ZNF695: variants seen among roughly 807,000 people sequenced by gnomAD.
The protein encoded by ZNF695 is zinc finger protein SBZF3.
ZNF695 carries 11 observed loss-of-function variants against 11.2 expected under a neutral mutation model. The observed-to-expected ratio is 0.98, with a 90% confidence interval of 0.62 to 1.62. The LOEUF is 1.62. Ranked by LOEUF, ZNF695 falls within the 40% of genes most tolerant of loss-of-function variation. ZNF695 has a pLI of 0.00. For missense variants in ZNF695, 559 were observed against 590.5 expected (o/e 0.95, Z 0.55); for synonymous variants, 190 against 201.4 (o/e 0.94, Z 0.48).
intron 4 of ZNF695, among the ~76,000 whole-genome samples, chr1:246,971,413 G>C (rs984256058): frequency 1.3e-5 from 2 of 152,300 alleles, no homozygotes; most frequent in South Asian, 2.1e-4. Flanking sequence ...GGGCCTGACT[G>C]ATGTCAGGCC....
intron 5 of ZNF695, among the ~76,000 whole-genome samples, chr1:246,957,859 C>T (rs999129855): frequency 1.3e-5 from 2 of 151,402 alleles, no homozygotes; most frequent in Admixed American, 6.6e-5. Context: ...GTCCCAAACT[C>T]CTGGTCCTAC....
At chr1:246,995,813 C>CAAAAAAAAAAAAA in intron 3 of ZNF695, among the ~76,000 whole-genome samples, 1 of 66,760 alleles carries the variant, frequency 1.5e-5, no homozygotes, top group Non-Finnish European at 3.0e-5. Context: ...GACTCTGTCT[C>CAAAAAAAAAAAAA]AAAAAAAAAA....
At chr1:246,999,629 A>G (rs75211698) in intron 2 of ZNF695, among the ~76,000 whole-genome samples, 189 bp from the exon 3 acceptor site, 2,435 of 152,324 alleles carry the variant, frequency 0.016, 69 homozygotes, top group African/African-American at 0.054. Flanking sequence ...CCTGCTACCA[A>G]GAACTATAAT....
At chr1:246,995,870 G>T (rs541075788) in intron 3 of ZNF695, among the ~76,000 whole-genome samples, 1 of 150,608 alleles carries the variant, frequency 6.6e-6, no homozygotes, top group South Asian at 2.1e-4. Context: ...TTTGGTATTG[G>T]CATAAAGGCA....
chr1:246,999,500 A>G (rs1296437545), intron 2 of ZNF695, 60 bp from the exon 3 acceptor site: 4 of 1,344,244 alleles, frequency 3.0e-6, no homozygotes, highest in Non-Finnish European at 4.2e-6. Flanking sequence ...ACCTTTTACT[A>G]TGCTCAGTAG....
chr1:246,995,452 TAC>T (rs1669173096), intron 3 of ZNF695, among the ~76,000 whole-genome samples: 1 of 152,134 alleles, frequency 6.6e-6, no homozygotes, highest in East Asian at 1.9e-4. Context: ...ACCCTAAAAT[TAC>T]ACAGTGCGTG....
In ZNF695 at chr1:246,986,496, G is replaced by A. The variant is rs1668850902; in HGVS notation, c.*471C>T. On this transcript the variant is annotated 3_prime_UTR_variant, in exon 4 of 4. Coordinates refer to ENST00000339986, the MANE Select transcript of ZNF695 (RefSeq NM_020394.5). Reference sequence around the variant, plus strand: ...TACAGTAATGTCTGAAAGTGTCAGTGACTTAGTGCTTTTTACTATGAATTC... The same window carrying A: ...TACAGTAATGTCTGAAAGTGTCAGTAACTTAGTGCTTTTTACTATGAATTC... The A allele has an allele frequency of 1.0e-6, 1 of 987,612 alleles. No individual in the cohort carries two copies. The highest frequency in any genetic ancestry group is 6.0e-5 in the Admixed American group (1 of 16,614). The allele number at this position is 987,612 out of a possible 1,614,324, so 61.2% of individuals were successfully genotyped here.
intron 1 of ZNF695, among the ~76,000 whole-genome samples, chr1:247,005,963 A>C (rs984755909): frequency 2.0e-5 from 3 of 152,124 alleles, no homozygotes; most frequent in Non-Finnish European, 4.4e-5. Context: ...CGGTGGCTCA[A>C]GCCTGTAATC....
intron 4 of ZNF695, among the ~76,000 whole-genome samples, chr1:246,970,727 C>A (rs1030713838): frequency 3.9e-5 from 6 of 152,182 alleles, no homozygotes; most frequent in Non-Finnish European, 8.8e-5. Context: ...GGAGTAAAGA[C>A]CCTTAGTAGA....
intron 3 of ZNF695, among the ~76,000 whole-genome samples, chr1:246,988,469 C>T (rs1030897679): frequency 2.0e-5 from 3 of 152,040 alleles, no homozygotes; most frequent in African/African-American, 7.2e-5. Context: ...AAAGAAATGA[C>T]GTACAATGAA....
intron 5 of ZNF695, among the ~76,000 whole-genome samples, chr1:246,962,970 C>A (rs1426775756): frequency 4.6e-5 from 7 of 152,196 alleles, no homozygotes; most frequent in Non-Finnish European, 1.0e-4. Context: ...AGCCACCATG[C>A]CCGGCCTTGA....
intron 3 of ZNF695, among the ~76,000 whole-genome samples, chr1:246,996,686 G>A (rs762828861): frequency 6.6e-5 from 10 of 152,144 alleles, no homozygotes; most frequent in Non-Finnish European, 1.3e-4. Context: ...AGTATCTCAT[G>A]TACCCCATAA....
rs1668842840 is a variant in ZNF695, at chr1:246,986,248, T to G, written c.*719A>C. 1.7e-6 allele frequency: 1 copy of G among 580,292 alleles called. No individual in the cohort carries two copies. The highest frequency in any genetic ancestry group is 2.2e-6 in the Non-Finnish European group (1 of 460,060). The allele number at this position is 580,292 out of a possible 1,614,324, so 35.9% of individuals were successfully genotyped here. A position where few individuals can be genotyped will look rare whatever the true frequency, so the allele number is the denominator to read the frequency against. On this transcript the variant is annotated 3_prime_UTR_variant, in exon 4 of 4. Coordinates refer to ENST00000339986, the MANE Select transcript of ZNF695 (RefSeq NM_020394.5). ...CAAGCCTGGCTTTTATTTTACTTTT[T>G]GTAGAGATGAGGTTTTGCCATGTTG...
In ZNF695 at chr1:247,007,920, TG is replaced by T; in HGVS notation, c.-13del. The T allele has an allele frequency of 6.5e-7, 1 of 1,530,136 alleles. No homozygotes were observed. The highest frequency in any genetic ancestry group is 1.2e-5 in the South Asian group (1 of 80,726). The allele number at this position is 1,530,136 out of a possible 1,614,324, so 94.8% of individuals were successfully genotyped here. On this transcript the variant is annotated 5_prime_UTR_variant, in exon 1 of 4. Transcript: ENST00000339986. ...CGCACACTCACCATTTCCCAGCTTTTGGGGGTCCCAGCGTCCTCCCTATAAA... is the reference window on the plus strand; with the variant it reads ...CGCACACTCACCATTTCCCAGCTTTTGGGGTCCCAGCGTCCTCCCTATAAA...
intron 5 of ZNF695, chr1:246,945,932 A>G (rs1473870636): frequency 7.2e-7 from 1 of 1,390,032 alleles, no homozygotes; most frequent in Non-Finnish European, 1.0e-6. Flanking sequence ...ACTTGGTTCC[A>G]TTGGAGAAGT....
intron 5 of ZNF695, among the ~76,000 whole-genome samples, chr1:246,957,080 T>G (rs1211857044): frequency 6.6e-6 from 1 of 152,144 alleles, no homozygotes; most frequent in Non-Finnish European, 1.5e-5. Context: ...TTTCAAGTTT[T>G]TAATTAAAAA....
intron 5 of ZNF695, chr1:246,966,699 C>T (rs1397578883): frequency 2.2e-5 from 10 of 444,540 alleles, no homozygotes; most frequent in Middle Eastern, 3.3e-4. Flanking sequence ...GGTGAGAGAT[C>T]GCTTGACCCT....
At chr1:246,997,252 C>T (rs1308295978) in intron 3 of ZNF695, among the ~76,000 whole-genome samples, 1 of 152,078 alleles carries the variant, frequency 6.6e-6, no homozygotes, top group African/African-American at 2.4e-5. Flanking sequence ...CCTATAATCC[C>T]AGCACTTTGG....
chr1:246,986,638 G>GAC lies in ZNF695; in HGVS notation c.*328_*329insGT, dbSNP rs1246434290. 1.5e-5 allele frequency: 16 copies of GAC among 1,035,194 alleles called. No homozygotes were observed. Among genetic ancestry groups the GAC allele is most frequent in the Non-Finnish European group, 1.9e-5 (16 of 862,772 alleles). The allele number at this position is 1,035,194 out of a possible 1,614,324, so 64.1% of individuals were successfully genotyped here. On this transcript the variant is annotated 3_prime_UTR_variant, in exon 4 of 4. Coordinates refer to ENST00000339986, the MANE Select transcript of ZNF695 (RefSeq NM_020394.5). ...TCTGAGGTATATTTTTTGAACAAAT[G>GAC]TTGTTTCTGCATTTATTACATTTGT...
Sources: allele counts gnomAD v4.1 joint callset (sites outside exome capture counted in the v4.1 genomes callset), GRCh38; gene constraint gnomAD v4.1.1; transcripts MANE v1.5; gene names NCBI Gene and HGNC (gene_info 2026-07-23, HGNC 2026-07-21).